The following GAN variants were observed in gnomAD, a reference collection of about 807,000 sequenced individuals.
GAN encodes the protein gigaxonin.
A neutral mutation model predicts 71.3 loss-of-function variants in GAN; 48 were observed. The observed-to-expected ratio is 0.67, with a 90% CI of 0.53 to 0.86. The LOEUF (loss-of-function observed/expected upper bound fraction) is 0.86. Among genes scored for constraint, GAN ranks in the 40% least tolerant of loss-of-function variants. The pLI, the probability that GAN is intolerant of heterozygous loss-of-function variation, is 0.00. For missense variants in GAN, 928 were observed against 770.1 expected (o/e 1.21, Z -2.43); for synonymous variants, 386 against 276.8 (o/e 1.39, Z -3.92).
At chr16:81,343,595 C>T (rs1241782406) in intron 1 of GAN, among the ~76,000 whole-genome samples, 1 of 152,150 alleles carries the variant, frequency 6.6e-6, no homozygotes, top group Admixed American at 6.5e-5. Flanking sequence ...TCTCAATAAA[C>T]TAGGTATTGG....
chr16:81,361,790 G>A (rs1910680786), intron 5 of GAN, among the ~76,000 whole-genome samples: 2 of 152,156 alleles, frequency 1.3e-5, no homozygotes, highest in Admixed American at 1.3e-4. Flanking sequence ...ACACTCCTGG[G>A]CTCAAGCGAT....
intron 2 of GAN, among the ~76,000 whole-genome samples, chr16:81,353,092 C>T (rs929045302): frequency 6.6e-6 from 1 of 152,058 alleles, no homozygotes; most frequent in African/African-American, 2.4e-5. Flanking sequence ...GAGATCGAGA[C>T]CATCCTGGCT....
At chr16:81,367,469 C>T (rs1910898056) in intron 9 of GAN, among the ~76,000 whole-genome samples, 1 of 152,092 alleles carries the variant, frequency 6.6e-6, no homozygotes, top group African/African-American at 2.4e-5. Flanking sequence ...GTGGAGTGTG[C>T]AGTGAGCCGA....
In GAN at chr16:81,381,882, T is replaced by C. The variant is rs909757313; in HGVS notation, c.*4286T>C. Reference sequence around the variant, plus strand: ...CTGGCCTCCTATACGGAGCTGAAACTAGCATGGGCCGGCCTCCTATATGGA... The same window carrying C: ...CTGGCCTCCTATACGGAGCTGAAACCAGCATGGGCCGGCCTCCTATATGGA... On this transcript the variant is annotated 3_prime_UTR_variant, in exon 11 of 11. Coordinates refer to ENST00000648994, the MANE Select transcript of GAN (RefSeq NM_022041.4). 4 of 152,162 alleles carry C rather than the reference T, an allele frequency of 2.6e-5. No homozygotes were observed. The highest frequency in any genetic ancestry group is 9.7e-5 in the African/African-American group (4 of 41,438). The allele number at this position is 152,162 out of a possible 1,614,324, so 9.4% of individuals were successfully genotyped here.
intron 1 of GAN, among the ~76,000 whole-genome samples, chr16:81,316,905 C>G (rs1007607797): frequency 3.3e-5 from 5 of 152,198 alleles, no homozygotes; most frequent in African/African-American, 1.2e-4. Flanking sequence ...TTAGCCCAGG[C>G]TAGAGTGCAG....
intron 1 of GAN, among the ~76,000 whole-genome samples, chr16:81,319,108 G>A (rs1909140655): frequency 1.3e-5 from 2 of 151,742 alleles, no homozygotes; most frequent in African/African-American, 4.8e-5. Context: ...TTGACCCCGG[G>A]AGTTCCAGGA....
chr16:81,349,552 G>A (rs539549048), intron 1 of GAN, among the ~76,000 whole-genome samples: 255 of 152,272 alleles, frequency 1.7e-3, no homozygotes, highest in Admixed American at 3.5e-3. Flanking sequence ...GCTGAGGCAG[G>A]AGAATCACTT....
intron 5 of GAN, 89 bp downstream of exon 5, chr16:81,358,020 G>A (rs966256638): frequency 7.9e-6 from 9 of 1,145,278 alleles, no homozygotes; most frequent in Non-Finnish European, 1.2e-5. Context: ...GCCTTTTAAA[G>A]ATACAATTTT....
intron 1 of GAN, among the ~76,000 whole-genome samples, chr16:81,317,257 A>G (rs979756680): frequency 6.6e-6 from 1 of 152,242 alleles, no homozygotes; most frequent in Non-Finnish European, 1.5e-5. Flanking sequence ...CTACCACAGC[A>G]AATGTGTACA....
At chr16:81,350,243 A>G (rs1910254767) in intron 1 of GAN, among the ~76,000 whole-genome samples, 1 of 152,366 alleles carries the variant, frequency 6.6e-6, no homozygotes, top group African/African-American at 2.4e-5. Flanking sequence ...AAACGTGGCT[A>G]CAAACATACA....
In GAN at chr16:81,377,340, A is replaced by T; in HGVS notation, c.1612+12A>T. On this transcript the variant is annotated intron_variant, in intron 10 of 10. Coordinates refer to ENST00000648994, the MANE Select transcript of GAN (RefSeq NM_022041.4). ...AGATCTTGATACAGGTAAGAGTGTT[A>T]CAGTGATTTTCTTGGAACTGTTTCC... The T allele has an allele frequency of 6.3e-7, 1 of 1,580,726 alleles. No homozygotes were observed. Among genetic ancestry groups the T allele is most frequent in the East Asian group, 2.2e-5 (1 of 44,734 alleles).
At position 81,369,788 on chromosome 16, in the gene GAN, T is replaced by C. The variant is rs570846704; in HGVS notation, c.1502+4310T>C. 4.2e-4 allele frequency among the ~76,000 whole-genome samples: 64 copies of C among 152,280 alleles called. 1 individual carries two copies. The highest frequency in any genetic ancestry group is 1.5e-3 in the African/African-American group (64 of 41,562). ...TAGTAGAGGCAGGGTTTCACCGTGG[T>C]CTCGATCTCCTGACCTCTTGATCTG... On this transcript the variant is annotated intron_variant, in intron 9 of 10. Coordinates refer to ENST00000648994, the MANE Select transcript of GAN (RefSeq NM_022041.4).
chr16:81,376,225 G>T (rs1041364406), intron 9 of GAN, among the ~76,000 whole-genome samples: 8 of 151,626 alleles, frequency 5.3e-5, no homozygotes, highest in African/African-American at 1.9e-4. Flanking sequence ...TTACCATATA[G>T]CCCAGCAATT....
At chr16:81,365,766 CTTG>C (rs1056757340) in intron 9 of GAN, among the ~76,000 whole-genome samples, 3 of 151,822 alleles carry the variant, frequency 2.0e-5, no homozygotes, top group African/African-American at 7.3e-5. Context: ...AACTCCTTAA[CTTG>C]TTGGGCATGG....
At position 81,380,397 on chromosome 16, in the gene GAN, G is replaced by A. The variant is rs1049171542; in HGVS notation, c.*2801G>A. 9 of 152,542 alleles carry A rather than the reference G, an allele frequency of 5.9e-5. No homozygotes were observed. Among genetic ancestry groups the A allele is most frequent in the Non-Finnish European group, 1.3e-4 (9 of 68,000 alleles). The allele number at this position is 152,542 out of a possible 1,614,324, so 9.4% of individuals were successfully genotyped here. A position where few individuals can be genotyped will look rare whatever the true frequency, so the allele number is the denominator to read the frequency against. On this transcript the variant is annotated 3_prime_UTR_variant, in exon 11 of 11. Transcript: ENST00000648994. ...AGGTTAGAATAAGTAAATATTTAAA[G>A]AACCTCTCCTAGGCTGCAGTCTAAA...
Position 81,375,156 on chromosome 16 carries a change from A to G in GAN, c.1503-2063A>G, listed in dbSNP as rs192803404. ...CTTCTGTTCTTCAAAAGAGTCCATT[A>G]GGAAAATGAAAAGGCCACCTACATG... On this transcript the variant is annotated intron_variant, in intron 9 of 10. Coordinates refer to ENST00000648994, the MANE Select transcript of GAN (RefSeq NM_022041.4). Among the ~76,000 whole-genome samples the G allele has an allele frequency of 4.5e-3, 688 of 152,274 alleles. 6 individuals carry two copies. The highest frequency in any genetic ancestry group is 6.8e-3 in the Middle Eastern group (2 of 292).
chr16:81,317,620 C>T lies in GAN; in HGVS notation c.167+2340C>T, dbSNP rs151127300. Among the ~76,000 whole-genome samples, 189 of 152,312 alleles carry T rather than the reference C, an allele frequency of 1.2e-3. 1 individual carries two copies. The highest frequency in any genetic ancestry group is 4.3e-3 in the African/African-American group (180 of 41,562). ...ATAGGGGCTCAGTGGACATTAGTGA[C>T]TTGTGTTATGAGGTTATTAGTACTT... On this transcript the variant is annotated intron_variant, in intron 1 of 10. Transcript: ENST00000648994.
chr16:81,366,043 A>G (rs1013740739), intron 9 of GAN, among the ~76,000 whole-genome samples: 3 of 152,146 alleles, frequency 2.0e-5, no homozygotes, highest in South Asian at 2.1e-4. Flanking sequence ...CTACTTGCCT[A>G]AAAGCTCCCT....
At chr16:81,349,175 A>T (rs1910216792) in intron 1 of GAN, among the ~76,000 whole-genome samples, 1 of 152,130 alleles carries the variant, frequency 6.6e-6, no homozygotes, top group African/African-American at 2.4e-5. Flanking sequence ...TTTTTAGCTT[A>T]TCTTTCACCC....
Sources: allele counts gnomAD v4.1 joint callset (sites outside exome capture counted in the v4.1 genomes callset), GRCh38; gene constraint gnomAD v4.1.1; transcripts MANE v1.5; gene names NCBI Gene and HGNC (gene_info 2026-07-23, HGNC 2026-07-21).